The following PRRX1 variants were observed in gnomAD, a reference collection of about 807,000 sequenced individuals.
PRRX1 encodes paired related homeobox 1.
A neutral mutation model predicts 24.0 loss-of-function variants in PRRX1; 8 were observed. That is an observed-to-expected ratio of 0.33 (90% CI 0.20 to 0.60). The LOEUF is 0.60. Among genes scored for constraint, PRRX1 ranks in the 20% least tolerant of loss-of-function variants. PRRX1 has a pLI of 0.82. For synonymous variants in PRRX1, 160 were observed against 131.7 expected, an observed-to-expected ratio of 1.22 and a Z score of -1.47; for missense variants, 281 against 322.4, an observed-to-expected ratio of 0.87 and a Z score of 0.98.
At chr1:170,670,282 G>A (rs1653103282) in intron 1 of PRRX1, among the ~76,000 whole-genome samples, 1 of 152,174 alleles carries the variant, frequency 6.6e-6, no homozygotes. Flanking sequence ...GCATATGTCA[G>A]CGTTATGTAT....
rs1049955767 is a variant in PRRX1 at position 170,697,473 on chromosome 1, T to A, written c.242-22253T>A. ...CTTATCTTAAAGAATTAGAGAACTA[T>A]ATAGAAAGGAAGATAAGGGAAAAAG... On this transcript the variant is annotated intron_variant, in intron 1 of 3. Coordinates refer to ENST00000239461, the MANE Select transcript of PRRX1 (RefSeq NM_022716.4). 3.9e-5 allele frequency among the ~76,000 whole-genome samples: 6 copies of A among 152,098 alleles called. No homozygotes were observed. The East Asian group carries it at 1.2e-3, about 29-fold the overall frequency.
chr1:170,689,553 T>C (rs998610969), intron 1 of PRRX1, among the ~76,000 whole-genome samples: 3 of 152,182 alleles, frequency 2.0e-5, no homozygotes, highest in Non-Finnish European at 4.4e-5. Flanking sequence ...GATTTGTGTG[T>C]TTAATCTTTA....
intron 1 of PRRX1, among the ~76,000 whole-genome samples, chr1:170,686,326 A>G (rs1178640927): frequency 6.6e-6 from 1 of 152,212 alleles, no homozygotes; most frequent in African/African-American, 2.4e-5. Context: ...TCTGTGCTTC[A>G]TAAGCGAGCT....
intron 1 of PRRX1, among the ~76,000 whole-genome samples, chr1:170,672,243 G>T (rs1211013823): frequency 6.6e-6 from 1 of 152,152 alleles, no homozygotes; most frequent in East Asian, 1.9e-4. Context: ...TAAATTTAGG[G>T]ATTTTCGACT....
intron 1 of PRRX1, among the ~76,000 whole-genome samples, chr1:170,691,794 A>G (rs1571325878): frequency 6.6e-6 from 1 of 152,094 alleles, no homozygotes. Context: ...CATAGTCCAA[A>G]TGGTTTAACG....
intron 1 of PRRX1, among the ~76,000 whole-genome samples, chr1:170,686,772 G>A (rs1033427576): frequency 3.4e-5 from 5 of 147,854 alleles, no homozygotes; most frequent in African/African-American, 1.0e-4. Flanking sequence ...ACACTCCAGA[G>A]TTTCTTTATT....
chr1:170,702,329 T>G (rs2101905224), intron 1 of PRRX1, among the ~76,000 whole-genome samples: 1 of 152,290 alleles, frequency 6.6e-6, no homozygotes, highest in African/African-American at 2.4e-5. Flanking sequence ...ATTACTCCTC[T>G]TATCTAGCTG....
At chr1:170,719,938 C>A (rs1439119937) in intron 2 of PRRX1, 37 bp downstream of exon 2, 14 of 1,609,418 alleles carry the variant, frequency 8.7e-6, no homozygotes, top group Non-Finnish European at 1.1e-5. Flanking sequence ...CCAAGTAGTA[C>A]CCTCCTCAGA....
At chr1:170,721,506 G>A (rs1352598311) in intron 2 of PRRX1, among the ~76,000 whole-genome samples, 1 of 152,118 alleles carries the variant, frequency 6.6e-6, no homozygotes, top group Middle Eastern at 3.2e-3. Flanking sequence ...TCAGCCTGAA[G>A]AGAAAGTGTG....
chr1:170,711,309 G>A (rs1269182379), intron 1 of PRRX1, among the ~76,000 whole-genome samples: 2 of 152,138 alleles, frequency 1.3e-5, no homozygotes, highest in African/African-American at 4.8e-5. Flanking sequence ...CTAATTCTCT[G>A]TTATTGTGGC....
At chr1:170,710,172 T>C (rs1571338093) in intron 1 of PRRX1, among the ~76,000 whole-genome samples, 1 of 152,162 alleles carries the variant, frequency 6.6e-6, no homozygotes, top group African/African-American at 2.4e-5. Flanking sequence ...AAATCCAGCC[T>C]AACTTTTTCT....
rs552205785 is a variant in PRRX1 at position 170,687,267 on chromosome 1, G to A, written c.241+22808G>A. 6.0e-4 allele frequency among the ~76,000 whole-genome samples: 92 copies of A among 152,268 alleles called. 1 individual carries two copies. Among genetic ancestry groups the A allele is most frequent in the Admixed American group, 3.3e-3 (51 of 15,290 alleles). ...AAAATGTCTGCATTGCACATTTACA[G>A]TCTGTTGAAAGCATATTTGGTGAAC... On this transcript the variant is annotated intron_variant, in intron 1 of 3. Coordinates refer to ENST00000239461, the MANE Select transcript of PRRX1 (RefSeq NM_022716.4).
chr1:170,675,381 A>C (rs571658455), intron 1 of PRRX1, among the ~76,000 whole-genome samples: 1 of 152,342 alleles, frequency 6.6e-6, no homozygotes, highest in Admixed American at 6.5e-5. Context: ...AAGAGCTCAC[A>C]AAATTAGTCG....
At chr1:170,699,028 A>C (rs1654265511) in intron 1 of PRRX1, among the ~76,000 whole-genome samples, 1 of 152,220 alleles carries the variant, frequency 6.6e-6, no homozygotes, top group African/African-American at 2.4e-5. Context: ...GCACTTTTGC[A>C]GCTAATGATA....
intron 2 of PRRX1, among the ~76,000 whole-genome samples, chr1:170,725,428 G>A (rs1655225166): frequency 6.6e-6 from 1 of 152,178 alleles, no homozygotes; most frequent in Non-Finnish European, 1.5e-5. Flanking sequence ...CTGCATTTCT[G>A]TGCCAGCAGT....
At chr1:170,703,271 T>G (rs796997617) in intron 1 of PRRX1, among the ~76,000 whole-genome samples, 3 of 152,356 alleles carry the variant, frequency 2.0e-5, no homozygotes, top group African/African-American at 7.2e-5. Flanking sequence ...GTTTCAGAAC[T>G]TGGGCTCTGT....
In PRRX1 at chr1:170,736,223, A is replaced by T. The variant is rs765473383; in HGVS notation, c.*37A>T. On this transcript the variant is annotated 3_prime_UTR_variant, in exon 4 of 4. Coordinates refer to ENST00000239461, the MANE Select transcript of PRRX1 (RefSeq NM_022716.4). ...AATTAAACAGGCCTAAGAAGAAATC[A>T]AAAACCATAAGACACCTATCCTGCT... The T allele has an allele frequency of 6.2e-7, 1 of 1,611,982 alleles. No homozygotes were observed. Among genetic ancestry groups the T allele is most frequent in the Non-Finnish European group, 8.5e-7 (1 of 1,178,296 alleles).
At chr1:170,677,684 C>A (rs777050815) in intron 1 of PRRX1, among the ~76,000 whole-genome samples, 7 of 152,090 alleles carry the variant, frequency 4.6e-5, no homozygotes, top group Admixed American at 3.3e-4. Context: ...ATACTTATAC[C>A]GCCACACCAT....
rs1655701608 is a variant in PRRX1 at position 170,738,698 on chromosome 1, G to T, written c.*2512G>T. Reference sequence around the variant, plus strand: ...AGGGAACAGAAATCATACATGAAAAGGTTTTACTGAGAAGGGGAAAACCTT... The same window carrying T: ...AGGGAACAGAAATCATACATGAAAATGTTTTACTGAGAAGGGGAAAACCTT... On this transcript the variant is annotated 3_prime_UTR_variant, in exon 4 of 4. Coordinates refer to ENST00000239461, the MANE Select transcript of PRRX1 (RefSeq NM_022716.4). The T allele has an allele frequency of 4.4e-6, 1 of 228,168 alleles. No homozygotes were observed. The highest frequency in any genetic ancestry group is 5.7e-5 in the Admixed American group (1 of 17,642). The allele number at this position is 228,168 out of a possible 1,614,324, so 14.1% of individuals were successfully genotyped here.
Sources: allele counts gnomAD v4.1 joint callset (sites outside exome capture counted in the v4.1 genomes callset), GRCh38; gene constraint gnomAD v4.1.1; transcripts MANE v1.5; gene names NCBI Gene and HGNC (gene_info 2026-07-23, HGNC 2026-07-21).